NVL: variants seen among roughly 807,000 people sequenced by gnomAD.
NVL encodes the protein nuclear valosin-containing protein-like.
In NVL, 84 loss-of-function variants were observed where a neutral mutation model predicts 110.2. That is an observed-to-expected ratio of 0.76 (90% CI 0.64 to 0.91). The LOEUF is 0.91. Ranked by LOEUF, NVL falls within the 40% of genes least tolerant of loss-of-function variation. The probability of loss-of-function intolerance (pLI) is 0.00; values close to 1 mark genes in which losing one functional copy is unlikely to be tolerated. For missense variants in NVL, 882 were observed against 1,035.9 expected, an observed-to-expected ratio of 0.85 and a Z score of 2.04; for synonymous variants, 354 against 361.1, an observed-to-expected ratio of 0.98 and a Z score of 0.22.
At chr1:224,267,165 C>T (rs751833535) in intron 18 of NVL, among the ~76,000 whole-genome samples, 64 of 152,160 alleles carry the variant, frequency 4.2e-4, no homozygotes, top group Non-Finnish European at 1.6e-4. Flanking sequence ...AACTCCGAGC[C>T]ATCTTCTGCA....
chr1:224,245,142 T>C (rs983397001), intron 19 of NVL, among the ~76,000 whole-genome samples: 4 of 152,198 alleles, frequency 2.6e-5, no homozygotes, highest in South Asian at 2.1e-4. Flanking sequence ...GAAAATTGTA[T>C]ATAAAACAAT....
At chr1:224,253,752 A>G (rs1197078120) in intron 18 of NVL, among the ~76,000 whole-genome samples, 19 of 151,112 alleles carry the variant, frequency 1.3e-4, no homozygotes, top group Non-Finnish European at 2.4e-4. Flanking sequence ...AAAAAAAGAA[A>G]AGAAAAAAAG....
chr1:224,235,295 G>A (rs1660336752), intron 20 of NVL, among the ~76,000 whole-genome samples: 1 of 152,094 alleles, frequency 6.6e-6, no homozygotes, highest in Admixed American at 6.6e-5. Flanking sequence ...AGCCTCCCTA[G>A]TAGCTGCGAT....
chr1:224,234,244 A>G (rs1660217771), intron 20 of NVL, among the ~76,000 whole-genome samples: 1 of 152,184 alleles, frequency 6.6e-6, no homozygotes, highest in Admixed American at 6.6e-5. Context: ...AATGAAAGAC[A>G]CTCATGTTGA....
At chr1:224,264,942 T>A (rs1664345323) in intron 18 of NVL, among the ~76,000 whole-genome samples, 1 of 151,204 alleles carries the variant, frequency 6.6e-6, no homozygotes, top group African/African-American at 2.4e-5. Flanking sequence ...AGAGACGGGG[T>A]TTCACCATGT....
intron 16 of NVL, among the ~76,000 whole-genome samples, chr1:224,280,277 T>C (rs974331110): frequency 2.0e-4 from 31 of 151,812 alleles, no homozygotes; most frequent in Admixed American, 1.4e-3. Context: ...AAAATTTTTA[T>C]TAATTACAAT....
intron 19 of NVL, among the ~76,000 whole-genome samples, chr1:224,245,992 C>T (rs1302963039): frequency 6.6e-6 from 1 of 151,654 alleles, no homozygotes; most frequent in Non-Finnish European, 1.5e-5. Flanking sequence ...TTGGAAGCTG[C>T]AGGGCTCCTC....
intron 19 of NVL, among the ~76,000 whole-genome samples, chr1:224,246,145 T>C (rs10799554): frequency 0.86 from 131,150 of 152,016 alleles, 56,890 homozygotes; most frequent in South Asian, 0.91. Context: ...ATTCTCCTGC[T>C]TTAGCCTCCT....
intron 18 of NVL, among the ~76,000 whole-genome samples, chr1:224,254,577 T>TTG (rs1553310924): frequency 3.5e-5 from 5 of 144,416 alleles, no homozygotes; most frequent in Non-Finnish European, 6.2e-5. Flanking sequence ...TTTTTGTTTT[T>TTG]TTTTTTTTTG....
chr1:224,233,813 A>C (rs934988696), intron 20 of NVL, among the ~76,000 whole-genome samples: 1 of 152,168 alleles, frequency 6.6e-6, no homozygotes, highest in Non-Finnish European at 1.5e-5. Flanking sequence ...GAAATTATGG[A>C]GGAAACAATA....
intron 5 of NVL, among the ~76,000 whole-genome samples, chr1:224,309,146 T>C (rs1669264601): frequency 1.3e-5 from 2 of 151,542 alleles, no homozygotes; most frequent in Admixed American, 6.6e-5. Flanking sequence ...AAAGTAAGTA[T>C]GGTTGCTTCG....
intron 18 of NVL, among the ~76,000 whole-genome samples, chr1:224,262,707 G>T (rs916507906): frequency 6.6e-6 from 1 of 152,038 alleles, no homozygotes; most frequent in African/African-American, 2.4e-5. Context: ...AAATAACATC[G>T]ACAGCTGTAT....
At chr1:224,255,186 T>TG (rs1457834743) in intron 18 of NVL, among the ~76,000 whole-genome samples, 5 of 132,312 alleles carry the variant, frequency 3.8e-5, no homozygotes, top group Non-Finnish European at 6.5e-5. Context: ...GTGTAGGTTT[T>TG]TTTTTTTTTT....
chr1:224,285,633 G>C (rs1183195064), intron 15 of NVL, among the ~76,000 whole-genome samples: 1 of 151,658 alleles, frequency 6.6e-6, no homozygotes, highest in Non-Finnish European at 1.5e-5. Flanking sequence ...TTTCTATTAT[G>C]AAAAAACAAT....
chr1:224,307,991 C>T lies in NVL; in HGVS notation c.615G>A (p.Gln205=). 1 of 1,508,660 alleles carries T rather than the reference C, an allele frequency of 6.6e-7. No individual in the cohort carries two copies. The highest frequency in any genetic ancestry group is 2.3e-5 in the East Asian group (1 of 43,426). 93.5% of individuals were successfully genotyped at this position (1,508,660 alleles called of 1,614,324 possible). A position where few individuals can be genotyped will look rare whatever the true frequency, so the allele number is the denominator to read the frequency against. ...SNPKKPITEI[Q]DSKDSSLLES... is the part of the protein sequence containing the mutation. The stretch of plus-strand genomic sequence containing the variant: ...GGCTAAAATTTCATTACAAAAATAC[C>T]TGTATCTCAGTTATTGGCTTCTTAG... The change falls in exon 6 of 23, where the codon CAG becomes CAA. Residue 205 remains glutamine, a splice_region_variant and synonymous_variant. Transcript: ENST00000281701.
chr1:224,227,557 C>T lies in NVL; in HGVS notation c.*69G>A, dbSNP rs1344918408. ...GCCTGTGTCCAGCTGAAAGTGGGTC[C>T]TTCAGAGCGTGTGGGGGATTCTCTG... On this transcript the variant is annotated 3_prime_UTR_variant, in exon 23 of 23. Coordinates refer to ENST00000281701, the MANE Select transcript of NVL (RefSeq NM_002533.4). 2 of 1,449,262 alleles carry T rather than the reference C, an allele frequency of 1.4e-6. No individual in the cohort carries two copies. The highest frequency in any genetic ancestry group is 1.9e-6 in the Non-Finnish European group (2 of 1,048,732). 89.8% of individuals were successfully genotyped at this position (1,449,262 alleles called of 1,614,324 possible). A position where few individuals can be genotyped will look rare whatever the true frequency, so the allele number is the denominator to read the frequency against.
intron 1 of NVL, 93 bp from the exon 2 acceptor site, chr1:224,326,557 T>A: frequency 2.7e-6 from 2 of 750,602 alleles, no homozygotes; most frequent in Non-Finnish European, 4.5e-6. Context: ...ACATTATACT[T>A]TAAGATAAAC....
Position 224,289,491 on chromosome 1 carries a change from T to G in NVL, c.1568A>C (p.Glu523Ala). Residue 523 changes from glutamate (E) to alanine (A), a missense_variant, in exon 13 of 23, where the codon GAA (glutamate) becomes GCA (alanine). This residue lies in a region of NVL where 416 missense variants were observed against 499.3 expected (regional missense o/e 0.83). Coordinates refer to ENST00000281701, the MANE Select transcript of NVL (RefSeq NM_002533.4). Reference sequence around the variant, plus strand: ...TGCCTTTAGAGAAAGCACCTGTGTTTCAGAAGTGGGCTCAGTTCCCAGCCT... The same window carrying G: ...TGCCTTTAGAGAAAGCACCTGTGTTGCAGAAGTGGGCTCAGTTCCCAGCCT... ...EERLGTEPTS[E>A]TQDELQRLLG... 6.2e-7 allele frequency: 1 copy of G among 1,614,092 alleles called. No individual in the cohort carries two copies. Among genetic ancestry groups the G allele is most frequent in the Non-Finnish European group, 8.5e-7 (1 of 1,180,000 alleles).
chr1:224,313,474 ACTTCT>A (rs1669757705), intron 4 of NVL, among the ~76,000 whole-genome samples: 3 of 152,168 alleles, frequency 2.0e-5, no homozygotes, highest in Non-Finnish European at 2.9e-5. Flanking sequence ...AAAATGCAAA[ACTTCT>A]CTAATCAAAA....
Sources: allele counts gnomAD v4.1 joint callset (sites outside exome capture counted in the v4.1 genomes callset), GRCh38; gene constraint gnomAD v4.1.1; regional missense constraint gnomAD v4.1.1; transcripts MANE v1.5; gene names NCBI Gene and HGNC (gene_info 2026-07-23, HGNC 2026-07-21).